The following TMEM132D variants were observed in gnomAD, a reference collection of about 807,000 sequenced individuals.
TMEM132D encodes transmembrane protein 132D, also known as mature OL transmembrane protein.
A neutral mutation model predicts 62.3 loss-of-function variants in TMEM132D; 21 were observed. That is an observed-to-expected ratio of 0.34 (90% confidence interval 0.24 to 0.49). TMEM132D has a LOEUF of 0.49. TMEM132D is among the 20% of genes least tolerant of loss of function. The pLI, the probability that TMEM132D is intolerant of heterozygous loss-of-function variation, is 0.99. For missense variants in TMEM132D, 1,346 were observed against 1,402.8 expected (o/e 0.96, Z 0.65); for synonymous variants, 621 against 575.6 (o/e 1.08, Z -1.13).
Position 129,716,652 on chromosome 12 carries a change from G to A in TMEM132D, c.80-15954C>T, listed in dbSNP as rs558406254. The stretch of plus-strand genomic sequence containing the variant: ...GTAAGTTATCCTGTATGGCAAAGGG[G>A]ACTTTGCAGATGGGACTAAGTCAGG... On this transcript the variant is annotated intron_variant, in intron 1 of 8. Transcript: ENST00000422113. Among the ~76,000 whole-genome samples, 513 of 152,248 alleles carry A rather than the reference G, an allele frequency of 3.4e-3. 1 individual carries two copies. Among genetic ancestry groups the A allele is most frequent in the Non-Finnish European group, 6.2e-3 (422 of 68,008 alleles).
intron 1 of TMEM132D, chr12:129,840,109 G>T (rs1013425300): frequency 6.6e-6 from 1 of 152,190 alleles, no homozygotes; most frequent in Non-Finnish European, 1.5e-5. Flanking sequence ...TTTTTTAAGT[G>T]TTTAGGATAC....
intron 3 of TMEM132D, among the ~76,000 whole-genome samples, chr12:129,508,419 A>G (rs930038581): frequency 6.6e-6 from 1 of 152,216 alleles, no homozygotes; most frequent in African/African-American, 2.4e-5. Flanking sequence ...ATACAAAAGT[A>G]TAAAGAAAGC....
intron 4 of TMEM132D, among the ~76,000 whole-genome samples, chr12:129,298,234 G>A (rs1881624916): frequency 6.6e-6 from 1 of 152,156 alleles, no homozygotes; most frequent in Admixed American, 6.5e-5. Flanking sequence ...CAGGCTTGAG[G>A]AAGACTGAAT....
chr12:129,472,889 G>A (rs79028482), intron 3 of TMEM132D, among the ~76,000 whole-genome samples: 1 of 147,680 alleles, frequency 6.8e-6, no homozygotes, highest in Non-Finnish European at 1.5e-5. Flanking sequence ...TTTTTTTTTT[G>A]AGACAGAGTT....
chr12:129,079,686 G>A (rs1180951056), intron 7 of TMEM132D, among the ~76,000 whole-genome samples: 1 of 152,130 alleles, frequency 6.6e-6, no homozygotes, highest in Non-Finnish European at 1.5e-5. Context: ...GACCCTTTGA[G>A]ACCAGGAATC....
At chr12:129,535,615 A>C (rs1848432121) in intron 2 of TMEM132D, among the ~76,000 whole-genome samples, 1 of 152,264 alleles carries the variant, frequency 6.6e-6, no homozygotes, top group African/African-American at 2.4e-5. Flanking sequence ...ACCTGAATAC[A>C]GGCATATTCA....
chr12:129,465,391 C>A (rs10847886), intron 3 of TMEM132D, among the ~76,000 whole-genome samples: 33,737 of 152,038 alleles, frequency 0.22, 3,987 homozygotes, highest in East Asian at 0.35. Flanking sequence ...TGGCACAAGA[C>A]AGGGATGCCC....
chr12:129,764,845 G>A (rs1177227499), intron 1 of TMEM132D, among the ~76,000 whole-genome samples: 4 of 152,110 alleles, frequency 2.6e-5, no homozygotes, highest in Non-Finnish European at 2.9e-5. Context: ...GGAGGTTGAG[G>A]TAGGAGGATC....
intron 2 of TMEM132D, among the ~76,000 whole-genome samples, chr12:129,590,236 G>A (rs1878151185): frequency 6.6e-6 from 1 of 152,114 alleles, no homozygotes; most frequent in South Asian, 2.1e-4. Flanking sequence ...AGGTTGAGAT[G>A]AGCAACCCCC....
intron 1 of TMEM132D, among the ~76,000 whole-genome samples, chr12:129,868,780 G>A (rs1189311217): frequency 3.3e-5 from 5 of 152,100 alleles, no homozygotes; most frequent in Non-Finnish European, 7.4e-5. Flanking sequence ...CAAGGAACGC[G>A]GCCTCTCTTC....
At position 129,582,753 on chromosome 12, in the gene TMEM132D, T is replaced by G. The variant is rs575388778; in HGVS notation, c.969-51548A>C. Among the ~76,000 whole-genome samples, 301 of 151,968 alleles carry G rather than the reference T, an allele frequency of 2.0e-3. 2 individuals are homozygous for G. The highest frequency in any genetic ancestry group is 2.1e-3 in the Non-Finnish European group (143 of 67,952). ...CCTGCCTCACCTTCCCAAGTAGCTG[T>G]GACTACAGGCACCCATCACCATGCC... On this transcript the variant is annotated intron_variant, in intron 2 of 8. Transcript: ENST00000422113.
intron 5 of TMEM132D, chr12:129,085,034 G>C: frequency 2.2e-6 from 1 of 449,622 alleles, no homozygotes; most frequent in South Asian, 4.8e-5. Flanking sequence ...GAGTGGAGCT[G>C]TGTCCCTCAG....
At chr12:129,442,029 G>A (rs921303279) in intron 3 of TMEM132D, among the ~76,000 whole-genome samples, 1 of 152,146 alleles carries the variant, frequency 6.6e-6, no homozygotes, top group African/African-American at 2.4e-5. Context: ...TACCCATTGG[G>A]TTCTATGCTC....
chr12:129,392,961 C>T (rs1159111421), intron 3 of TMEM132D, among the ~76,000 whole-genome samples: 10 of 152,198 alleles, frequency 6.6e-5, no homozygotes, highest in African/African-American at 2.2e-4. Flanking sequence ...TGCATCCCAC[C>T]TGGAGAGAGC....
At position 129,779,846 on chromosome 12, in the gene TMEM132D, C is replaced by T. The variant is rs372115264; in HGVS notation, c.80-79148G>A. 1.3e-5 allele frequency among the ~76,000 whole-genome samples: 2 copies of T among 152,146 alleles called. No homozygotes were observed. Among genetic ancestry groups the T allele is most frequent in the East Asian group, 3.9e-4 (2 of 5,188 alleles). On this transcript the variant is annotated intron_variant, in intron 1 of 8. Coordinates refer to ENST00000422113, the MANE Select transcript of TMEM132D (RefSeq NM_133448.3). This position sits in a 1 kb window ranked among gnomAD's most constrained non-coding sequence, Gnocchi z 4.1. ...GGAAGACAGAGAGAAATGAACTGAG[C>T]TGCGAGGACAATAATTAAAAGAATC...
chr12:129,453,532 G>C (rs1227331335), intron 3 of TMEM132D, among the ~76,000 whole-genome samples: 1 of 152,176 alleles, frequency 6.6e-6, no homozygotes, highest in African/African-American at 2.4e-5. Flanking sequence ...TTTATACAGG[G>C]ATTTATTGAC....
At chr12:129,249,929 C>T (rs571937214) in intron 4 of TMEM132D, among the ~76,000 whole-genome samples, 35 of 152,168 alleles carry the variant, frequency 2.3e-4, no homozygotes, top group Admixed American at 1.2e-3. Flanking sequence ...CAGCAGGCCC[C>T]GTGACCTTAA....
chr12:129,516,151 C>A (rs1273110129), intron 3 of TMEM132D, among the ~76,000 whole-genome samples: 1 of 152,158 alleles, frequency 6.6e-6, no homozygotes, highest in Non-Finnish European at 1.5e-5. Flanking sequence ...AATTGCACAG[C>A]TGATTGGTAG....
intron 5 of TMEM132D, among the ~76,000 whole-genome samples, chr12:129,168,180 T>C (rs1877618205): frequency 6.6e-6 from 1 of 152,208 alleles, no homozygotes; most frequent in Non-Finnish European, 1.5e-5. Context: ...CAGCTTTCTC[T>C]AAGAGTTTTA....
Sources: gnomAD v4.1 joint callset for allele counts (sites outside exome capture counted in the v4.1 genomes callset) on GRCh38, gnomAD v4.1.1 for gene constraint, Gnocchi (gnomAD v3.1) non-coding constraint, MANE v1.5 for transcripts, NCBI Gene and HGNC (gene_info 2026-07-23, HGNC 2026-07-21) for gene names.